COL24A1: variants seen among roughly 807,000 people sequenced by gnomAD.
COL24A1 encodes collagen alpha-1(XXIV) chain.
In COL24A1, 224 loss-of-function variants were observed where a neutral mutation model predicts 253.9. That is an observed-to-expected ratio of 0.88 (90% CI 0.79 to 0.99). COL24A1 has a LOEUF of 0.99. Among genes scored for constraint, COL24A1 ranks in the 50% least tolerant of loss-of-function variants. COL24A1 has a pLI of 0.00. For synonymous variants in COL24A1, 685 were observed against 673.7 expected (o/e 1.02, Z -0.26); for missense variants, 2,131 against 2,068.5 (o/e 1.03, Z -0.59).
intron 20 of COL24A1, among the ~76,000 whole-genome samples, chr1:85,978,423 A>C (rs915980631): frequency 6.6e-6 from 1 of 152,126 alleles, no homozygotes; most frequent in African/African-American, 2.4e-5. Context: ...TGCTCCACTT[A>C]TGGCAGAATG....
chr1:86,026,446 A>G (rs1178892520), intron 14 of COL24A1, among the ~76,000 whole-genome samples: 3 of 152,194 alleles, frequency 2.0e-5, no homozygotes, highest in African/African-American at 7.2e-5. Context: ...TTCTCATGAT[A>G]GTGAGTGAGG....
At chr1:86,121,634 G>T (rs952667301) in intron 3 of COL24A1, among the ~76,000 whole-genome samples, 1 of 151,814 alleles carries the variant, frequency 6.6e-6, no homozygotes, top group Admixed American at 6.6e-5. Context: ...ATCAATGAAG[G>T]GATAGGAATA....
chr1:86,041,069 C>T (rs1167123740), intron 12 of COL24A1, among the ~76,000 whole-genome samples: 1 of 152,126 alleles, frequency 6.6e-6, no homozygotes, highest in East Asian at 1.9e-4. Context: ...TTCAAATACA[C>T]TCTTCTAACA....
intron 47 of COL24A1, among the ~76,000 whole-genome samples, chr1:85,790,011 CTT>C (rs1558135921): frequency 2.0e-5 from 3 of 152,130 alleles, no homozygotes; most frequent in South Asian, 4.1e-4. Flanking sequence ...CTTAAGTTTT[CTT>C]TTTTTGTTAT....
chr1:85,858,621 C>CTCCTTCCTTCCTTCTTTCCTTCCT (rs1678738331), intron 37 of COL24A1, among the ~76,000 whole-genome samples: 1 of 113,268 alleles, frequency 8.8e-6, no homozygotes, highest in South Asian at 3.5e-4. Context: ...TATTTTCTCC[C>CTCCTTCCTTCCTTCTTTCCTTCCT]TCCTTCCTTC....
chr1:85,759,658 C>T (rs2101082041), intron 55 of COL24A1, among the ~76,000 whole-genome samples: 1 of 152,278 alleles, frequency 6.6e-6, no homozygotes, highest in Middle Eastern at 3.4e-3. Context: ...ATAATGTATT[C>T]AACACACGTA....
At chr1:86,039,425 A>G (rs1006683375) in intron 12 of COL24A1, among the ~76,000 whole-genome samples, 1 of 152,200 alleles carries the variant, frequency 6.6e-6, no homozygotes, top group African/African-American at 2.4e-5. Context: ...ATATGTTTAA[A>G]TGTATATAAA....
chr1:86,044,935 C>T (rs1699784232), intron 12 of COL24A1, among the ~76,000 whole-genome samples: 1 of 152,028 alleles, frequency 6.6e-6, no homozygotes, highest in African/African-American at 2.4e-5. Flanking sequence ...TAAAATTCCA[C>T]CAATGCAGAT....
chr1:85,875,518 C>T (rs534219192), intron 33 of COL24A1, among the ~76,000 whole-genome samples, 188 bp from the exon 34 acceptor site: 5 of 152,206 alleles, frequency 3.3e-5, no homozygotes, highest in African/African-American at 4.8e-5. Context: ...AAGACAACTT[C>T]GTCTAAAATT....
intron 11 of COL24A1, among the ~76,000 whole-genome samples, chr1:86,049,107 G>A (rs1320424390): frequency 6.6e-6 from 1 of 152,156 alleles, no homozygotes; most frequent in African/African-American, 2.4e-5. Context: ...AGTACATGAA[G>A]GTTAGGTGGC....
intron 45 of COL24A1, 141 bp downstream of exon 45, chr1:85,823,395 C>A: frequency 3.1e-5 from 22 of 698,906 alleles, no homozygotes; most frequent in South Asian, 1.3e-4. Flanking sequence ...TGAAAAACAC[C>A]CTACTTAGAG....
At chr1:85,954,771 T>G (rs1426879688) in intron 24 of COL24A1, among the ~76,000 whole-genome samples, 1 of 152,172 alleles carries the variant, frequency 6.6e-6, no homozygotes, top group Non-Finnish European at 1.5e-5. Flanking sequence ...TGCTGTTTTA[T>G]AGATACGAGT....
chr1:85,980,944 G>A (rs555977841), intron 20 of COL24A1, among the ~76,000 whole-genome samples: 17 of 152,104 alleles, frequency 1.1e-4, no homozygotes, highest in Non-Finnish European at 2.1e-4. Flanking sequence ...ACCTAACCAA[G>A]AAGGTAAAAG....
chr1:85,759,731 G>C (rs1666646668), intron 55 of COL24A1, among the ~76,000 whole-genome samples: 1 of 152,104 alleles, frequency 6.6e-6, no homozygotes, highest in Admixed American at 6.5e-5. Flanking sequence ...TCCACATTTT[G>C]CTCTGAGCAA....
intron 19 of COL24A1, among the ~76,000 whole-genome samples, chr1:86,012,023 G>A (rs1159563329): frequency 1.3e-5 from 2 of 151,892 alleles, no homozygotes; most frequent in Non-Finnish European, 2.9e-5. Flanking sequence ...TCACTATGTT[G>A]CTCCAGGCTG....
chr1:86,079,128 T>C (rs1702452937), intron 7 of COL24A1, among the ~76,000 whole-genome samples: 2 of 152,012 alleles, frequency 1.3e-5, no homozygotes. Flanking sequence ...AGTAACAGAA[T>C]AGAGAACCCA....
intron 2 of COL24A1, among the ~76,000 whole-genome samples, chr1:86,144,624 G>T (rs1186065626): frequency 6.6e-6 from 1 of 152,038 alleles, no homozygotes. Flanking sequence ...ATTAATAATT[G>T]TATTCTTCTC....
In COL24A1 at chr1:86,033,861, T is replaced by C; in HGVS notation, c.2004+9A>G. ...AGAATGCAAGGCTGAACCAACATAA[T>C]GTACTCACAGGACTGCCATCAAGAC... On this transcript the variant is annotated intron_variant, in intron 13 of 59. Transcript: ENST00000370571. The C allele has an allele frequency of 1.2e-6, 2 of 1,603,748 alleles. No individual in the cohort carries two copies. The highest frequency in any genetic ancestry group is 1.7e-6 in the Non-Finnish European group (2 of 1,175,748).
chr1:86,025,066 T>C (rs1474139690), intron 14 of COL24A1, among the ~76,000 whole-genome samples: 2 of 152,028 alleles, frequency 1.3e-5, no homozygotes, highest in African/African-American at 4.8e-5. Flanking sequence ...TAAAGTAAAA[T>C]TGAATACTAT....
Sources: gnomAD v4.1 joint callset for allele counts (sites outside exome capture counted in the v4.1 genomes callset) on GRCh38, gnomAD v4.1.1 for gene constraint, MANE v1.5 for transcripts, NCBI Gene and HGNC (gene_info 2026-07-23, HGNC 2026-07-21) for gene names.